Variants in PDE1A observed in about 807,000 individuals in gnomAD.
PDE1A encodes dual specificity calcium/calmodulin-dependent 3',5'-cyclic nucleotide phosphodiesterase 1A.
A neutral mutation model predicts 61.7 loss-of-function variants in PDE1A; 35 were observed. That is an observed-to-expected ratio of 0.57 (90% CI 0.43 to 0.75). PDE1A has a LOEUF of 0.75. Among genes scored for constraint, PDE1A ranks in the 30% least tolerant of loss-of-function variants. PDE1A has a pLI of 0.00. For synonymous variants in PDE1A, 232 were observed against 213.2 expected (o/e 1.09, Z -0.77); for missense variants, 597 against 630.6 (o/e 0.95, Z 0.57).
At chr2:182,248,783 C>A (rs1691177855) in intron 2 of PDE1A, among the ~76,000 whole-genome samples, 1 of 152,120 alleles carries the variant, frequency 6.6e-6, no homozygotes, top group Non-Finnish European at 1.5e-5. Flanking sequence ...TGCTAAAATT[C>A]AAGTGCTAGG....
intron 11 of PDE1A, among the ~76,000 whole-genome samples, chr2:182,187,485 G>T (rs1685308541): frequency 6.6e-6 from 1 of 152,094 alleles, no homozygotes; most frequent in Non-Finnish European, 1.5e-5. Flanking sequence ...ACTACCACCT[G>T]AATATAGGAG....
At chr2:182,622,644 C>T in the PDE1A span, among the ~76,000 whole-genome samples, 1 of 152,126 alleles carries the variant, frequency 6.6e-6, no homozygotes. Context: ...TACCATCCTA[C>T]ATCCAAGCTG....
intron 2 of PDE1A, among the ~76,000 whole-genome samples, chr2:182,435,193 T>G (rs1375421071): frequency 6.6e-6 from 1 of 152,094 alleles, no homozygotes; most frequent in African/African-American, 2.4e-5. Flanking sequence ...CAGATTCTCA[T>G]AGCCAAACAT....
At chr2:182,326,791 G>A (rs749529217) in intron 1 of PDE1A, among the ~76,000 whole-genome samples, 117 of 151,968 alleles carry the variant, frequency 7.7e-4, no homozygotes, top group Non-Finnish European at 1.6e-3. Context: ...TAGAAGCCCT[G>A]AATAAAAAAA....
intron 13 of PDE1A, among the ~76,000 whole-genome samples, chr2:182,154,688 C>T (rs887824715): frequency 2.0e-5 from 3 of 152,182 alleles, no homozygotes; most frequent in Non-Finnish European, 4.4e-5. Flanking sequence ...TGTGATGCCT[C>T]CTCAGACATG....
At chr2:182,535,849 C>A in the PDE1A span, among the ~76,000 whole-genome samples, 1 of 152,222 alleles carries the variant, frequency 6.6e-6, no homozygotes, top group East Asian at 1.9e-4. Context: ...CTGTGCATTA[C>A]GGAAAATGGG....
chr2:182,670,027 C>T, the PDE1A span, among the ~76,000 whole-genome samples: 1 of 152,188 alleles, frequency 6.6e-6, no homozygotes, highest in African/African-American at 2.4e-5. Flanking sequence ...CTATATAAAC[C>T]ACATGCTGTT....
At chr2:182,500,483 G>GAC (rs1689022720) in intron 2 of PDE1A, among the ~76,000 whole-genome samples, 1 of 55,684 alleles carries the variant, frequency 1.8e-5, no homozygotes, top group African/African-American at 5.6e-5. Flanking sequence ...TCCAGGAGCT[G>GAC]AGAAAAGTTT....
At chr2:182,190,996 A>G (rs914494377) in intron 10 of PDE1A, among the ~76,000 whole-genome samples, 4 of 152,122 alleles carry the variant, frequency 2.6e-5, no homozygotes, top group Non-Finnish European at 4.4e-5. Flanking sequence ...TAGAATAGCA[A>G]CAACATGAAT....
chr2:182,626,838 C>CATATATATATACAT, the PDE1A span, among the ~76,000 whole-genome samples: 1 of 10,034 alleles, frequency 1.0e-4, no homozygotes, highest in East Asian at 2.4e-3. Flanking sequence ...TATATATATA[C>CATATATATATACAT]ATATATATAC....
At chr2:182,646,155 C>T in the PDE1A span, among the ~76,000 whole-genome samples, 1 of 151,980 alleles carries the variant, frequency 6.6e-6, no homozygotes, top group East Asian at 1.9e-4. Context: ...TGGCTAATTA[C>T]ATTAAGAATT....
chr2:182,185,876 T>G lies in PDE1A; in HGVS notation c.1516+16A>C. ...GACAGAGAGAGATGGCAGTAAGGCC[T>G]CATAAACAACACTACCTTGTGCAGC... is the stretch of plus-strand genomic sequence containing the variant. On this transcript the variant is annotated intron_variant, in intron 13 of 13. Coordinates refer to ENST00000351439, the Ensembl canonical transcript of PDE1A. 6.2e-7 allele frequency: 1 copy of G among 1,613,544 alleles called. No homozygotes were observed. The highest frequency in any genetic ancestry group is 8.5e-7 in the Non-Finnish European group (1 of 1,179,764).
chr2:182,574,361 T>A, the PDE1A span, among the ~76,000 whole-genome samples: 1 of 152,062 alleles, frequency 6.6e-6, no homozygotes, highest in South Asian at 2.1e-4. Context: ...AAGTTGACAC[T>A]CAGTATTAAC....
At chr2:182,452,816 C>T (rs1685617639) in intron 2 of PDE1A, among the ~76,000 whole-genome samples, 2 of 152,130 alleles carry the variant, frequency 1.3e-5, no homozygotes, top group Non-Finnish European at 2.9e-5. Flanking sequence ...AGTGGTTAAA[C>T]ACCATGGCAA....
the PDE1A span, among the ~76,000 whole-genome samples, chr2:182,576,375 G>C: frequency 5.9e-3 from 892 of 152,212 alleles, 8 homozygotes; most frequent in African/African-American, 0.02. Context: ...ATTCATCCTT[G>C]TTGTAGAATA....
At chr2:182,708,845 T>TA in the PDE1A span, among the ~76,000 whole-genome samples, 3 of 152,214 alleles carry the variant, frequency 2.0e-5, no homozygotes, top group Non-Finnish European at 2.9e-5. Context: ...AAAATTGACT[T>TA]AATAACAGCA....
chr2:182,572,576 T>C, the PDE1A span, among the ~76,000 whole-genome samples: 2 of 152,170 alleles, frequency 1.3e-5, no homozygotes, highest in Non-Finnish European at 2.9e-5. Context: ...TTATAAGGCC[T>C]ACAGTGTTTT....
At chr2:182,560,765 G>T in the PDE1A span, among the ~76,000 whole-genome samples, 1 of 151,912 alleles carries the variant, frequency 6.6e-6, no homozygotes, top group South Asian at 2.1e-4. Context: ...TCTAACTAGT[G>T]TGAGATGGTA....
At chr2:182,509,460 G>T (rs1689648224) in intron 2 of PDE1A, among the ~76,000 whole-genome samples, 1 of 152,142 alleles carries the variant, frequency 6.6e-6, no homozygotes, top group South Asian at 2.1e-4. Context: ...TTTAATTCCT[G>T]AAATGTCAGG....
Sources: allele counts gnomAD v4.1 joint callset (sites outside exome capture counted in the v4.1 genomes callset), GRCh38; gene constraint gnomAD v4.1.1; transcripts MANE v1.5; gene names NCBI Gene and HGNC (gene_info 2026-07-23, HGNC 2026-07-21).